WWOX: variants seen among roughly 807,000 people sequenced by gnomAD.
The protein encoded by WWOX is WW domain-containing oxidoreductase.
Under a neutral mutation model 46.2 loss-of-function variants are expected in WWOX, and 69 were observed. The ratio of observed to expected loss-of-function variants is 1.49; its 90% CI spans 1.23 to 1.82. The LOEUF (loss-of-function observed/expected upper bound fraction) is 1.82, where lower values mean the gene tolerates loss of function less well. WWOX is among the 40% of genes most tolerant of loss of function. The pLI is 0.00. For synonymous variants in WWOX, 359 were observed against 202.6 expected (o/e 1.77, Z -6.56); for missense variants, 919 against 542.6 (o/e 1.69, Z -6.89).
chr16:79,211,499 A>C (rs2051745952), intron 8 of WWOX, 109 bp from the exon 9 acceptor site: 1 of 1,421,960 alleles, frequency 7.0e-7, no homozygotes, highest in East Asian at 2.4e-5. Context: ...GATCCAGCTG[A>C]AACTGAACCA....
At chr16:78,371,408 A>G (rs1379149751) in intron 5 of WWOX, among the ~76,000 whole-genome samples, 1 of 152,224 alleles carries the variant, frequency 6.6e-6, no homozygotes, top group Non-Finnish European at 1.5e-5. Flanking sequence ...GCTCATGGTT[A>G]ACTTCAATAA....
chr16:78,735,671 C>G (rs914520826), intron 8 of WWOX, among the ~76,000 whole-genome samples: 3 of 152,172 alleles, frequency 2.0e-5, no homozygotes, highest in African/African-American at 7.2e-5. Context: ...TTCATCTTCT[C>G]CTGGCGTCAC....
intron 8 of WWOX, among the ~76,000 whole-genome samples, chr16:78,790,082 C>T (rs564538131): frequency 1.3e-5 from 2 of 152,264 alleles, no homozygotes; most frequent in South Asian, 2.1e-4. Context: ...ACATAGGAAG[C>T]ATTTAATACC....
At chr16:78,713,335 C>T (rs980803362) in intron 8 of WWOX, among the ~76,000 whole-genome samples, 3 of 143,224 alleles carry the variant, frequency 2.1e-5, no homozygotes, top group African/African-American at 8.0e-5. Flanking sequence ...CTAGACAGGG[C>T]ATGGTGTGAG....
chr16:78,844,913 C>T (rs758699529), intron 8 of WWOX, among the ~76,000 whole-genome samples: 6 of 152,172 alleles, frequency 3.9e-5, no homozygotes, highest in Non-Finnish European at 7.3e-5. Flanking sequence ...GTTGCTGACT[C>T]TCAGGATCTT....
At chr16:78,913,861 A>G (rs545553296) in intron 8 of WWOX, among the ~76,000 whole-genome samples, 13 of 151,986 alleles carry the variant, frequency 8.6e-5, no homozygotes, top group Admixed American at 2.6e-4. Flanking sequence ...GGGTCTTGCT[A>G]TGTTGTCCAG....
intron 8 of WWOX, among the ~76,000 whole-genome samples, chr16:79,118,227 G>C (rs561404023): frequency 7.9e-5 from 12 of 152,240 alleles, no homozygotes; most frequent in Non-Finnish European, 1.6e-4. Context: ...TTGTGTCTCA[G>C]GTAATAGGGA....
Position 78,742,335 on chromosome 16 carries a change from G to A in WWOX, c.1056+309583G>A, listed in dbSNP as rs1047016568. ...TCAGGGCTTCAGGGTGTCCTCTGGT[G>A]AAGGGCAGCAGCAGGACAGAGCCCC... On this transcript the variant is annotated intron_variant, in intron 8 of 8. Coordinates refer to ENST00000566780, the MANE Select transcript of WWOX (RefSeq NM_016373.4). Among the ~76,000 whole-genome samples, 8 of 152,198 alleles carry A rather than the reference G, an allele frequency of 5.3e-5. No homozygotes were observed. In the East Asian group the frequency reaches 1.2e-3, roughly 22 times the overall value.
intron 5 of WWOX, among the ~76,000 whole-genome samples, chr16:78,296,738 G>T (rs1051067883): frequency 5.9e-5 from 9 of 152,018 alleles, no homozygotes; most frequent in Admixed American, 5.2e-4. Context: ...TTGTGTTTGT[G>T]CATTGTACAG....
At chr16:78,120,898 C>G (rs1361294294) in intron 4 of WWOX, among the ~76,000 whole-genome samples, 1 of 152,144 alleles carries the variant, frequency 6.6e-6, no homozygotes, top group Non-Finnish European at 1.5e-5. Context: ...CGCCAGCTTC[C>G]TTTACACCTT....
At chr16:79,092,063 G>T (rs1376515658) in intron 8 of WWOX, among the ~76,000 whole-genome samples, 2 of 152,032 alleles carry the variant, frequency 1.3e-5, no homozygotes, top group African/African-American at 4.8e-5. Context: ...TTACAGGTGT[G>T]AGCCACCGCA....
At chr16:78,800,832 G>T (rs1034757905) in intron 8 of WWOX, among the ~76,000 whole-genome samples, 5 of 152,206 alleles carry the variant, frequency 3.3e-5, no homozygotes, top group African/African-American at 1.2e-4. Flanking sequence ...CTCCTCCCCA[G>T]CACTCACTTG....
intron 8 of WWOX, among the ~76,000 whole-genome samples, chr16:78,579,266 TA>T (rs1470239939): frequency 1.3e-5 from 2 of 152,136 alleles, no homozygotes; most frequent in Non-Finnish European, 2.9e-5. Context: ...GTCAAGGAGA[TA>T]AGTACTTAAA....
At chr16:79,079,813 G>C (rs1203085077) in intron 8 of WWOX, among the ~76,000 whole-genome samples, 1 of 152,166 alleles carries the variant, frequency 6.6e-6, no homozygotes. Flanking sequence ...ATAAAGGAGA[G>C]AGGGTTGGAC....
intron 8 of WWOX, among the ~76,000 whole-genome samples, chr16:78,515,216 C>T (rs1157216860): frequency 6.6e-6 from 1 of 152,064 alleles, no homozygotes; most frequent in East Asian, 1.9e-4. Context: ...AGAGCGAGAC[C>T]CTGTCTCAGA....
intron 8 of WWOX, chr16:79,077,974 C>G (rs942694548): frequency 8.5e-5 from 13 of 152,260 alleles, no homozygotes; most frequent in African/African-American, 2.9e-4. Flanking sequence ...CTGTTCCTAC[C>G]TGCTCCTCTT....
chr16:79,189,692 C>T (rs1046193983), intron 8 of WWOX, among the ~76,000 whole-genome samples: 1 of 151,868 alleles, frequency 6.6e-6, no homozygotes, highest in Non-Finnish European at 1.5e-5. Context: ...TAGATGTTAG[C>T]TAGGAGAGAT....
At chr16:78,598,894 A>G (rs1311340449) in intron 8 of WWOX, among the ~76,000 whole-genome samples, 1 of 152,174 alleles carries the variant, frequency 6.6e-6, no homozygotes, top group East Asian at 1.9e-4. Context: ...TTCTAAACAC[A>G]TGACACCAAT....
chr16:78,290,445 C>G (rs1567480528), intron 5 of WWOX, among the ~76,000 whole-genome samples: 1 of 152,116 alleles, frequency 6.6e-6, no homozygotes, highest in Non-Finnish European at 1.5e-5. Flanking sequence ...GGCATTGTTA[C>G]AGAGAACAGC....
Sources: gnomAD v4.1 joint callset for allele counts (sites outside exome capture counted in the v4.1 genomes callset) on GRCh38, gnomAD v4.1.1 for gene constraint, MANE v1.5 for transcripts, NCBI Gene and HGNC (gene_info 2026-07-23, HGNC 2026-07-21) for gene names.